The following NRXN1 variants were observed in gnomAD, a reference collection of about 807,000 sequenced individuals.
NRXN1 encodes neurexin 1.
NRXN1 carries 39 observed loss-of-function variants against 150.9 expected under a neutral mutation model. The ratio of observed to expected loss-of-function variants is 0.26; its 90% CI spans 0.20 to 0.34. The LOEUF is 0.34. Ranked by LOEUF, NRXN1 falls within the 10% of genes least tolerant of loss-of-function variation. The pLI, the probability that NRXN1 is intolerant of heterozygous loss-of-function variation, is 1.00. For missense variants in NRXN1, 1,815 were observed against 1,949.9 expected, an observed-to-expected ratio of 0.93 and a Z score of 1.30; for synonymous variants, 924 against 757.0, an observed-to-expected ratio of 1.22 and a Z score of -3.62.
chr2:50,050,653 A>C (rs576116458), intron 21 of NRXN1, among the ~76,000 whole-genome samples: 20 of 152,222 alleles, frequency 1.3e-4, no homozygotes, highest in African/African-American at 4.3e-4. Context: ...TTAGAAATTT[A>C]TCTCATATTT....
At chr2:50,537,308 A>T (rs1041675828) in intron 10 of NRXN1, among the ~76,000 whole-genome samples, 2 of 152,198 alleles carry the variant, frequency 1.3e-5, no homozygotes. Flanking sequence ...GGAACAACTC[A>T]TCAATATTTT....
chr2:50,458,412 T>C (rs1213683685), intron 17 of NRXN1, among the ~76,000 whole-genome samples: 1 of 152,122 alleles, frequency 6.6e-6, no homozygotes. Flanking sequence ...TTTTATTGCA[T>C]ATTTCAAAAT....
chr2:50,714,440 T>C (rs1212742416), intron 5 of NRXN1, among the ~76,000 whole-genome samples: 1 of 152,130 alleles, frequency 6.6e-6, no homozygotes, highest in Non-Finnish European at 1.5e-5. Flanking sequence ...ATGTCCAACA[T>C]CAGGGTCACA....
intron 17 of NRXN1, among the ~76,000 whole-genome samples, chr2:50,304,139 C>T (rs1465260863): frequency 6.6e-6 from 1 of 152,144 alleles, no homozygotes; most frequent in Admixed American, 6.5e-5. Context: ...TTACACTCAT[C>T]ATAACAACAG....
intron 8 of NRXN1, among the ~76,000 whole-genome samples, chr2:50,572,552 A>G (rs1320011475): frequency 6.6e-6 from 1 of 152,152 alleles, no homozygotes; most frequent in African/African-American, 2.4e-5. Flanking sequence ...CATTGCAGCC[A>G]TTATCATTAA....
At chr2:50,439,668 T>A (rs1480232015) in intron 17 of NRXN1, among the ~76,000 whole-genome samples, 3 of 151,272 alleles carry the variant, frequency 2.0e-5, no homozygotes, top group African/African-American at 7.3e-5. Flanking sequence ...ATACAAAAAA[T>A]TAGTCGGGCG....
intron 8 of NRXN1, among the ~76,000 whole-genome samples, chr2:50,579,026 G>C (rs1185902401): frequency 6.6e-6 from 1 of 152,080 alleles, no homozygotes; most frequent in African/African-American, 2.4e-5. Context: ...CCCTTAAGCT[G>C]CATTTCCTAT....
chr2:49,972,326 G>A (rs1340382130), intron 21 of NRXN1, among the ~76,000 whole-genome samples: 2 of 152,092 alleles, frequency 1.3e-5, no homozygotes, highest in African/African-American at 2.4e-5. Context: ...GTATTGGTCA[G>A]GCTCCACGCT....
chr2:50,896,613 G>A (rs1241402951), intron 5 of NRXN1, among the ~76,000 whole-genome samples: 3 of 152,158 alleles, frequency 2.0e-5, no homozygotes, highest in Admixed American at 2.0e-4. Context: ...TTGGGAGGCT[G>A]AGGCAGGTGG....
intron 18 of NRXN1, among the ~76,000 whole-genome samples, chr2:50,113,644 G>A (rs6718257): frequency 6.6e-6 from 1 of 151,874 alleles, no homozygotes; most frequent in Non-Finnish European, 1.5e-5. Context: ...AAAAGCATAT[G>A]GAAAATGTAT....
At chr2:50,974,798 G>A (rs180849038) in intron 2 of NRXN1, among the ~76,000 whole-genome samples, 29 of 152,028 alleles carry the variant, frequency 1.9e-4, no homozygotes, top group East Asian at 1.5e-3. Flanking sequence ...AATTTGCATT[G>A]TAACTAAATA....
intron 8 of NRXN1, among the ~76,000 whole-genome samples, chr2:50,611,833 G>A (rs1020048138): frequency 2.6e-5 from 4 of 152,058 alleles, no homozygotes; most frequent in East Asian, 1.9e-4. Context: ...AATTCAACCC[G>A]GGGAGTGGGA....
intron 9 of NRXN1, among the ~76,000 whole-genome samples, chr2:50,549,120 A>G (rs927011440): frequency 5.3e-5 from 8 of 152,260 alleles, no homozygotes; most frequent in Admixed American, 1.3e-4. Flanking sequence ...AAATTATTTC[A>G]TGAAATTTCC....
intron 12 of NRXN1, among the ~76,000 whole-genome samples, chr2:50,525,941 T>G (rs2092939372): frequency 6.6e-6 from 1 of 152,204 alleles, no homozygotes; most frequent in Non-Finnish European, 1.5e-5. Flanking sequence ...TCACTGCATC[T>G]AAACTACTGA....
chr2:49,974,350 T>C (rs1174781476), intron 21 of NRXN1: 2 of 433,058 alleles, frequency 4.6e-6, no homozygotes, highest in Non-Finnish European at 8.9e-6. Context: ...TCGTTGCTTT[T>C]CAATTTGCTC....
At chr2:50,892,925 T>G (rs557326843) in intron 5 of NRXN1, among the ~76,000 whole-genome samples, 1 of 152,254 alleles carries the variant, frequency 6.6e-6, no homozygotes, top group South Asian at 2.1e-4. Context: ...GGCCATGCTC[T>G]CTGGGTTTGC....
intron 5 of NRXN1, chr2:50,696,125 G>C (rs754266135): frequency 2.0e-5 from 3 of 152,030 alleles, no homozygotes; most frequent in Non-Finnish European, 4.4e-5. Flanking sequence ...TTACAGGCAA[G>C]AGCCACCACA....
Position 50,053,323 on chromosome 2 carries a change from G to C in NRXN1, c.4076C>G (p.Ala1359Gly), listed in dbSNP as rs1693037681. 6.2e-7 allele frequency: 1 copy of C among 1,613,904 alleles called. No individual in the cohort carries two copies. Among genetic ancestry groups the C allele is most frequent in the South Asian group, 1.1e-5 (1 of 91,088 alleles). The change falls in exon 21 of 23, where the codon GCT becomes GGT. Residue 1359 changes from alanine (A) to glycine (G), a missense_variant. This residue lies in a region of NRXN1 where 265 missense variants were observed against 307.1 expected (regional missense o/e 0.86). Coordinates refer to ENST00000401669, the MANE Select transcript of NRXN1 (RefSeq NM_001330078.2). ...CTTTCCTCTTCTGGCTGTGCTAGTA[G>C]CCAGGGTCGTGGTAGTCTCCATAAT... ...TSIMETTTTL[A>G]TSTARRGKPP... is the part of the protein sequence containing the mutation.
chr2:50,296,877 CTTTCTT>C (rs1376915749), intron 17 of NRXN1, among the ~76,000 whole-genome samples: 3 of 122,714 alleles, frequency 2.4e-5, no homozygotes, highest in Middle Eastern at 5.2e-3. Flanking sequence ...CAGTTTCTTT[CTTTCTT>C]TTTTTTTTTT....
Sources: allele counts gnomAD v4.1 joint callset (sites outside exome capture counted in the v4.1 genomes callset), GRCh38; gene constraint gnomAD v4.1.1; regional missense constraint gnomAD v4.1.1; transcripts MANE v1.5; gene names NCBI Gene and HGNC (gene_info 2026-07-23, HGNC 2026-07-21).